The following NDST1 variants were observed in gnomAD, a reference collection of about 807,000 sequenced individuals.
NDST1 encodes bifunctional heparan sulfate N-deacetylase/N-sulfotransferase 1.
NDST1 carries 35 observed loss-of-function variants against 92.8 expected under a neutral mutation model. That is an observed-to-expected ratio of 0.38 (90% CI 0.29 to 0.50). The LOEUF (loss-of-function observed/expected upper bound fraction) is 0.50, where lower values mean the gene tolerates loss of function less well. Ranked by LOEUF, NDST1 falls within the 20% of genes least tolerant of loss-of-function variation. NDST1 has a pLI of 0.94. For synonymous variants in NDST1, 493 were observed against 500.3 expected (o/e 0.99, Z 0.19); for missense variants, 822 against 1,182.7 (o/e 0.69, Z 4.47).
At chr5:150,509,573 C>T (rs563726345) in intron 1 of NDST1, among the ~76,000 whole-genome samples, 6 of 152,138 alleles carry the variant, frequency 3.9e-5, no homozygotes, top group Non-Finnish European at 5.9e-5. Flanking sequence ...AGTGCAATGG[C>T]GCCATCTCGG....
At chr5:150,541,798 T>C (rs967722170) in intron 9 of NDST1, 132 bp downstream of exon 9, 6 of 840,652 alleles carry the variant, frequency 7.1e-6, no homozygotes, top group South Asian at 1.4e-5. Context: ...AGGAATGAAG[T>C]TGGGGTGAAC....
At chr5:150,551,403 A>C (rs761309476) in intron 13 of NDST1, among the ~76,000 whole-genome samples, 41 of 152,210 alleles carry the variant, frequency 2.7e-4, no homozygotes, top group Admixed American at 1.7e-3. Context: ...GTTTAAAAAA[A>C]AAAAAGAGTT....
At chr5:150,512,251 G>A (rs1478245599) in intron 1 of NDST1, among the ~76,000 whole-genome samples, 3 of 152,076 alleles carry the variant, frequency 2.0e-5, no homozygotes, top group African/African-American at 7.2e-5. Context: ...TGTGTGTGTT[G>A]GGGGGGCAGG....
chr5:150,516,021 C>A (rs1472481973), intron 1 of NDST1, among the ~76,000 whole-genome samples: 2 of 143,628 alleles, frequency 1.4e-5, no homozygotes, highest in Non-Finnish European at 3.0e-5. Context: ...ACCTTGCTCT[C>A]CCTCTGCCCT....
At chr5:150,547,030 C>T (rs1755519132) in intron 11 of NDST1, among the ~76,000 whole-genome samples, 1 of 152,242 alleles carries the variant, frequency 6.6e-6, no homozygotes, top group South Asian at 2.1e-4. Flanking sequence ...AGTCCCTGTT[C>T]TGCACTGACA....
Position 150,521,698 on chromosome 5 carries a change from C to A in NDST1, c.444C>A (p.Asp148Glu). ...YENILKYVNL[D>E]AWNRELLDKY... The stretch of plus-strand genomic sequence containing the variant: ...ACATCCTCAAGTATGTCAACCTGGA[C>A]GCCTGGAACCGGGAGCTGCTGGACA... The change falls in exon 2 of 15, where the codon GAC becomes GAA. Residue 148 changes from aspartate to glutamate, a missense_variant. By Grantham distance (45) the Asp-to-Glu change is conservative. Transcript: ENST00000261797. The surrounding 1 kb of genome is among the most constrained non-coding windows in gnomAD (Gnocchi z 5.9). 1 of 1,614,074 alleles carries A rather than the reference C, an allele frequency of 6.2e-7. No homozygotes were observed. Among genetic ancestry groups the A allele is most frequent in the Non-Finnish European group, 8.5e-7 (1 of 1,180,038 alleles).
chr5:150,543,783 CTTT>C (rs975427121), intron 10 of NDST1, among the ~76,000 whole-genome samples: 3 of 142,182 alleles, frequency 2.1e-5, no homozygotes, highest in Non-Finnish European at 1.5e-5. Flanking sequence ...TTCTGTCTTT[CTTT>C]TTTTTTTTTT....
chr5:150,499,565 C>T (rs1405277105), intron 1 of NDST1, among the ~76,000 whole-genome samples: 3 of 152,212 alleles, frequency 2.0e-5, no homozygotes, highest in South Asian at 4.1e-4. Flanking sequence ...AGGACGGTTT[C>T]CCCAGTAGGA....
chr5:150,553,548 G>A lies in NDST1; in HGVS notation c.*216G>A, dbSNP rs981881292. The A allele has an allele frequency of 4.1e-5, 24 of 590,158 alleles. No homozygotes were observed. The highest frequency in any genetic ancestry group is 1.3e-4 in the South Asian group (8 of 59,956). The allele number at this position is 590,158 out of a possible 1,614,324, so 36.6% of individuals were successfully genotyped here. A position where few individuals can be genotyped will look rare whatever the true frequency, so the allele number is the denominator to read the frequency against. On this transcript the variant is annotated 3_prime_UTR_variant, in exon 15 of 15. Transcript: ENST00000261797. The surrounding 1 kb of genome is among the most constrained non-coding windows in gnomAD (Gnocchi z 4.2). ...GTCTGCGGCCTAAGGGACCTCCCTC[G>A]CCAGCAGAGGTCCATTCCGTTCCCA...
rs1387021439 is a variant in NDST1, at chr5:150,521,234, G to A, written c.-21G>A. On this transcript the variant is annotated 5_prime_UTR_variant, in exon 2 of 15. Transcript: ENST00000261797. This position sits in a 1 kb window ranked among gnomAD's most constrained non-coding sequence, Gnocchi z 5.9. ...GCCAGGGCAGGCCGGGCCTCCGGTG[G>A]CCAAGGTCTCGGAGGCCAGGATGCC... The A allele has an allele frequency of 2.5e-6, 4 of 1,598,266 alleles. No homozygotes were observed. Among genetic ancestry groups the A allele is most frequent in the Non-Finnish European group, 3.4e-6 (4 of 1,174,586 alleles).
intron 1 of NDST1, among the ~76,000 whole-genome samples, chr5:150,518,419 G>T (rs1754083514): frequency 6.6e-6 from 1 of 152,064 alleles, no homozygotes; most frequent in Admixed American, 6.6e-5. Flanking sequence ...AGCCCCCGGA[G>T]ATCACCTGCC....
chr5:150,502,241 G>A (rs1753265456), intron 1 of NDST1, among the ~76,000 whole-genome samples: 2 of 152,186 alleles, frequency 1.3e-5, no homozygotes, highest in African/African-American at 4.8e-5. Context: ...TGCCACGAGA[G>A]AGGTTGGGCG....
intron 3 of NDST1, 31 bp from the exon 4 acceptor site, chr5:150,532,914 C>G (rs1226800310): frequency 1.9e-6 from 3 of 1,601,828 alleles, no homozygotes; most frequent in Non-Finnish European, 2.6e-6. Context: ...GGCTTTCCCT[C>G]ACTCATTCCT....
intron 1 of NDST1, among the ~76,000 whole-genome samples, chr5:150,509,666 C>T (rs1753628867): frequency 6.6e-6 from 1 of 152,198 alleles, no homozygotes; most frequent in African/African-American, 2.4e-5. Context: ...GCATGTGCCA[C>T]ACACCTGGCT....
upstream of NDST1, among the ~76,000 whole-genome samples, chr5:150,503,742 C>A (rs1753330112): frequency 1.3e-5 from 2 of 152,204 alleles, no homozygotes; most frequent in South Asian, 4.1e-4. Context: ...TCTTCCTTTC[C>A]CTAGCCAAGG....
chr5:150,519,183 T>C (rs1754126312), intron 1 of NDST1, among the ~76,000 whole-genome samples: 1 of 152,228 alleles, frequency 6.6e-6, no homozygotes, highest in South Asian at 2.1e-4. Context: ...ACTTCTGCAG[T>C]AATACCTCTA....
At position 150,551,829 on chromosome 5, in the gene NDST1, C is replaced by T. The variant is rs766771345; in HGVS notation, c.2503C>T (p.Arg835Trp). Reference protein sequence around the residue: ...KTKCLGKSKGRKYPEMDLDSR... With the variant: ...KTKCLGKSKGWKYPEMDLDSR... ...CAAGTGTCTGGGCAAAAGCAAGGGC[C>T]GGAAATATCCCGAGATGGACTTGGA... is the stretch of plus-strand genomic sequence containing the variant. The change falls in exon 14 of 15, where the codon CGG becomes TGG. Residue 835 changes from arginine to tryptophan, a missense_variant. Physicochemically the swap from Arg to Trp is moderately radical, Grantham distance 101. Coordinates refer to ENST00000261797, the MANE Select transcript of NDST1 (RefSeq NM_001543.5). 19 of 1,613,382 alleles carry T rather than the reference C, an allele frequency of 1.2e-5. No homozygotes were observed. The highest frequency in any genetic ancestry group is 1.1e-4 in the East Asian group (5 of 44,872).
upstream of NDST1, among the ~76,000 whole-genome samples, chr5:150,504,280 G>A (rs577425196): frequency 1.1e-4 from 17 of 152,334 alleles, no homozygotes; most frequent in African/African-American, 4.1e-4. Context: ...GATGGTGGGG[G>A]TTCTGGAGAT....
intron 1 of NDST1, among the ~76,000 whole-genome samples, chr5:150,509,620 C>T (rs1753626979): frequency 6.6e-6 from 1 of 152,208 alleles, no homozygotes; most frequent in Admixed American, 6.5e-5. Context: ...TCAAGCGATT[C>T]TCCTGCCTCA....
Sources: gnomAD v4.1 joint callset for allele counts (sites outside exome capture counted in the v4.1 genomes callset) on GRCh38, gnomAD v4.1.1 for gene constraint, Gnocchi (gnomAD v3.1) non-coding constraint, MANE v1.5 for transcripts, NCBI Gene and HGNC (gene_info 2026-07-23, HGNC 2026-07-21) for gene names.